Variants in MCCC1 observed in about 807,000 individuals in gnomAD.
MCCC1 encodes the protein methylcrotonyl-CoA carboxylase subunit 1.
In MCCC1, 64 loss-of-function variants were observed where a neutral mutation model predicts 83.8. The observed-to-expected ratio is 0.76, with a 90% CI of 0.62 to 0.94. MCCC1 has a LOEUF of 0.94. MCCC1 is among the 40% of genes least tolerant of loss of function. MCCC1 has a pLI of 0.00. For synonymous variants in MCCC1, 322 were observed against 315.4 expected, an observed-to-expected ratio of 1.02 and a Z score of -0.22; for missense variants, 807 against 904.7, an observed-to-expected ratio of 0.89 and a Z score of 1.39.
At chr3:183,110,873 C>T (rs1450485656) in intron 1 of MCCC1, among the ~76,000 whole-genome samples, 5 of 152,152 alleles carry the variant, frequency 3.3e-5, no homozygotes, top group Admixed American at 3.3e-4. Context: ...CCGGTTATCA[C>T]AGCACCATTT....
intron 1 of MCCC1, among the ~76,000 whole-genome samples, chr3:183,114,983 C>G (rs949693394): frequency 1.4e-4 from 21 of 152,116 alleles, no homozygotes; most frequent in Admixed American, 1.3e-3. Context: ...TCTCCCGGCT[C>G]GTGGTGCTAA....
upstream of MCCC1, among the ~76,000 whole-genome samples, chr3:183,100,911 G>A (rs1320026051): frequency 6.6e-6 from 1 of 152,256 alleles, no homozygotes; most frequent in Non-Finnish European, 1.5e-5. Context: ...AGACACGAGC[G>A]GGAACTGGGG....
intron 15 of MCCC1, 53 bp from the exon 16 acceptor site, chr3:183,022,607 TTAA>T: frequency 1.4e-6 from 2 of 1,432,762 alleles, no homozygotes; most frequent in Non-Finnish European, 1.9e-6. Flanking sequence ...CACTACAGAA[TTAA>T]TAAGATCAGA....
chr3:183,030,074 G>A (rs1308968095), intron 14 of MCCC1, among the ~76,000 whole-genome samples: 7 of 152,162 alleles, frequency 4.6e-5, no homozygotes, highest in Non-Finnish European at 7.3e-5. Context: ...TTGGGAGGCC[G>A]AGGTGGGCGG....
chr3:183,099,561 C>T, upstream of MCCC1: 1 of 1,213,030 alleles, frequency 8.2e-7, no homozygotes, highest in Non-Finnish European at 1.2e-6. Context: ...GGAGCCTGAG[C>T]CTACCTTTGG....
chr3:183,046,429 ACT>A (rs1424086465), intron 9 of MCCC1, among the ~76,000 whole-genome samples: 2 of 147,394 alleles, frequency 1.4e-5, no homozygotes, highest in East Asian at 3.9e-4. Flanking sequence ...ATGGAATCTC[ACT>A]CTGTCATCCA....
chr3:183,096,623 T>A (rs899332474), intron 1 of MCCC1, among the ~76,000 whole-genome samples: 6 of 152,234 alleles, frequency 3.9e-5, no homozygotes, highest in African/African-American at 1.4e-4. Flanking sequence ...TATATGCGTC[T>A]ATACACTCAT....
At chr3:183,042,915 C>T in intron 10 of MCCC1, among the ~76,000 whole-genome samples, 1 of 152,214 alleles carries the variant, frequency 6.6e-6, no homozygotes, top group East Asian at 1.9e-4. Context: ...ACAAATCACT[C>T]TACTATAAAG....
At chr3:183,096,211 C>T (rs901493213) in intron 1 of MCCC1, among the ~76,000 whole-genome samples, 1 of 151,948 alleles carries the variant, frequency 6.6e-6, no homozygotes, top group Non-Finnish European at 1.5e-5. Flanking sequence ...TGGTGCGCAC[C>T]TGTAATCTCA....
Position 183,052,445 on chromosome 3 carries a change from C to T in MCCC1, c.874-205G>A, listed in dbSNP as rs115368246. Among the ~76,000 whole-genome samples, 554 of 152,270 alleles carry T rather than the reference C, an allele frequency of 3.6e-3. 5 individuals carry two copies. The highest frequency in any genetic ancestry group is 0.013 in the African/African-American group (532 of 41,546). On this transcript the variant is annotated intron_variant, in intron 8 of 18. Coordinates refer to ENST00000265594, the MANE Select transcript of MCCC1 (RefSeq NM_020166.5). The stretch of plus-strand genomic sequence containing the variant: ...CTGTAGCTGTCATAACATCACAGCA[C>T]AGTCATTACTCATGTGTTTTGTGGT...
rs1716128955 is a variant in MCCC1 at position 183,064,783 on chromosome 3, G to C, written c.761+6216C>G. Reference sequence around the variant, plus strand: ...TAATGTAGGGGTGCAGCACCGGCAGGAGGCGCCTCAGAGCCATGGTGGGCA... The same window carrying C: ...TAATGTAGGGGTGCAGCACCGGCAGCAGGCGCCTCAGAGCCATGGTGGGCA... On this transcript the variant is annotated intron_variant, in intron 7 of 18. Coordinates refer to ENST00000265594, the MANE Select transcript of MCCC1 (RefSeq NM_020166.5). The surrounding 1 kb of genome is among the most constrained non-coding windows in gnomAD (Gnocchi z 4.5). Among the ~76,000 whole-genome samples the C allele has an allele frequency of 1.3e-5, 2 of 152,240 alleles. No individual in the cohort carries two copies. The highest frequency in any genetic ancestry group is 1.3e-4 in the Admixed American group (2 of 15,290).
chr3:183,113,117 G>A (rs1438728105), intron 1 of MCCC1, among the ~76,000 whole-genome samples: 4 of 151,332 alleles, frequency 2.6e-5, no homozygotes, highest in African/African-American at 9.7e-5. Flanking sequence ...TCAGCTACTC[G>A]GGAGGCTGAG....
chr3:183,108,802 G>T lies in MCCC1; in HGVS notation c.-102+6672C>A, dbSNP rs546721364. Among the ~76,000 whole-genome samples, 6 of 152,286 alleles carry T rather than the reference G, an allele frequency of 3.9e-5. No homozygotes were observed. In the East Asian group the frequency reaches 9.6e-4, roughly 24 times the overall value. On this transcript the variant is annotated intron_variant, in intron 1 of 17. Coordinates refer to the MCCC1 transcript ENST00000492597. ...CATCATCCTCGCACTTGCTCCAACC[G>T]AAGTGTAGAACAGCCCCAGTAGCCT...
At chr3:183,042,817 TA>T (rs1437964764) in intron 10 of MCCC1, among the ~76,000 whole-genome samples, 1 of 152,212 alleles carries the variant, frequency 6.6e-6, no homozygotes, top group African/African-American at 2.4e-5. Flanking sequence ...AGCACTATGT[TA>T]CCTATTATCA....
intron 1 of MCCC1, among the ~76,000 whole-genome samples, chr3:183,115,224 ACCT>A (rs1458019150): frequency 1.3e-5 from 2 of 151,268 alleles, no homozygotes; most frequent in African/African-American, 4.9e-5. Context: ...ACTCTCCTCA[ACCT>A]CCTTATTCCT....
intron 15 of MCCC1, chr3:183,022,755 A>G: frequency 1.9e-6 from 1 of 527,044 alleles, no homozygotes; most frequent in Non-Finnish European, 3.3e-6. Flanking sequence ...ACAGGAAGAT[A>G]ATTAAAAGGG....
chr3:183,096,335 C>CA (rs1013597616), intron 1 of MCCC1, among the ~76,000 whole-genome samples: 183 of 145,148 alleles, frequency 1.3e-3, no homozygotes, highest in African/African-American at 3.9e-3. Context: ...GACTCCATCT[C>CA]AAAAAAAAAA....
At position 183,084,277 on chromosome 3, in the gene MCCC1, CT is replaced by C. The variant is rs1717729794; in HGVS notation, c.369+2415del. On this transcript the variant is annotated intron_variant, in intron 4 of 18. Transcript: ENST00000265594. ...CACTTTGAGTAGCAAGATTTAGATG[CT>C]TTGGAATAACATCATGCAACCTTCT... Among the ~76,000 whole-genome samples, 3 of 152,166 alleles carry C rather than the reference CT, an allele frequency of 2.0e-5. No individual in the cohort carries two copies. The South Asian group carries it at 6.2e-4, about 31-fold the overall frequency.
At chr3:183,052,367 A>T (rs376609476) in intron 8 of MCCC1, 127 bp from the exon 9 acceptor site, 2 of 773,620 alleles carry the variant, frequency 2.6e-6, no homozygotes. Context: ...CATATACAAC[A>T]GTTGTCCCAT....
Sources: gnomAD v4.1 joint callset for allele counts (sites outside exome capture counted in the v4.1 genomes callset) on GRCh38, gnomAD v4.1.1 for gene constraint, Gnocchi (gnomAD v3.1) non-coding constraint, MANE v1.5 for transcripts, NCBI Gene and HGNC (gene_info 2026-07-23, HGNC 2026-07-21) for gene names.